RAB11FIP3: variants seen among roughly 807,000 people sequenced by gnomAD.
RAB11FIP3 encodes the protein rab11 family-interacting protein 3.
RAB11FIP3 carries 17 observed loss-of-function variants against 77.8 expected under a neutral mutation model. The observed-to-expected ratio is 0.22, with a 90% CI of 0.15 to 0.33. The LOEUF (loss-of-function observed/expected upper bound fraction) is 0.33, where lower values mean the gene tolerates loss of function less well. Ranked by LOEUF, RAB11FIP3 falls within the 10% of genes least tolerant of loss-of-function variation. The pLI, the probability that RAB11FIP3 is intolerant of heterozygous loss-of-function variation, is 1.00. For synonymous variants in RAB11FIP3, 437 were observed against 448.2 expected, an observed-to-expected ratio of 0.98 and a Z score of 0.31; for missense variants, 1,005 against 1,011.2, an observed-to-expected ratio of 0.99 and a Z score of 0.08.
rs1292565229 is a variant in RAB11FIP3, at chr16:457,260, G to C, written c.715-4144G>C. On this transcript the variant is annotated intron_variant, in intron 1 of 13. Transcript: ENST00000262305. ...ACTTGTTCTGCTTTCCTTTCTTTCA[G>C]ATTAGTGGATCATGTTTCTACATCC... Among the ~76,000 whole-genome samples, 3 of 152,118 alleles carry C rather than the reference G, an allele frequency of 2.0e-5. No individual in the cohort carries two copies. The East Asian group carries it at 5.8e-4, about 29-fold the overall frequency.
Position 426,826 on chromosome 16 carries a change from T to G in RAB11FIP3, c.714+106T>G, listed in dbSNP as rs974197904. On this transcript the variant is annotated intron_variant, in intron 1 of 13. Coordinates refer to ENST00000262305, the MANE Select transcript of RAB11FIP3 (RefSeq NM_014700.4). The surrounding 1 kb of genome is among the most constrained non-coding windows in gnomAD (Gnocchi z 5.0). ...CTGCCCCTGGAGTCGGGAAAGGCAC[T>G]GTCAAGACCTGACGGTCCTGCTTTT... 2 of 860,256 alleles carry G rather than the reference T, an allele frequency of 2.3e-6. No homozygotes were observed. The highest frequency in any genetic ancestry group is 3.0e-5 in the East Asian group (1 of 33,644). The allele number at this position is 860,256 out of a possible 1,614,324, so 53.3% of individuals were successfully genotyped here.
chr16:473,746 G>A (rs1315213845), intron 3 of RAB11FIP3, among the ~76,000 whole-genome samples: 1 of 152,052 alleles, frequency 6.6e-6, no homozygotes, highest in Non-Finnish European at 1.5e-5. Context: ...AGCCTGATAT[G>A]TTAGTATTAG....
At chr16:517,010 A>C (rs2032446154) in intron 9 of RAB11FIP3, among the ~76,000 whole-genome samples, 1 of 152,164 alleles carries the variant, frequency 6.6e-6, no homozygotes, top group Non-Finnish European at 1.5e-5. Flanking sequence ...GACCTGTCAG[A>C]GTGCACACCT....
chr16:491,230 G>A lies in RAB11FIP3; in HGVS notation c.1265+2230G>A, dbSNP rs1428346150. On this transcript the variant is annotated intron_variant, in intron 5 of 13. Transcript: ENST00000262305. ...GCCACAAACAAATCAACCGCCTTGA[G>A]GATCTTTCTGCCCGCCTGAGTGATC... 3 of 1,304,846 alleles carry A rather than the reference G, an allele frequency of 2.3e-6. No individual in the cohort carries two copies. The South Asian group carries it at 3.7e-5, about 16-fold the overall frequency. 80.8% of individuals were successfully genotyped at this position (1,304,846 alleles called of 1,614,324 possible).
At chr16:439,573 G>A (rs1287624794) in intron 1 of RAB11FIP3, among the ~76,000 whole-genome samples, 1 of 152,190 alleles carries the variant, frequency 6.6e-6, no homozygotes, top group Non-Finnish European at 1.5e-5. Context: ...CACAAAATCT[G>A]AGACAGATCT....
At chr16:430,792 G>T (rs920886712) in intron 1 of RAB11FIP3, among the ~76,000 whole-genome samples, 1 of 152,240 alleles carries the variant, frequency 6.6e-6, no homozygotes, top group African/African-American at 2.4e-5. Context: ...GAGGCGGGCA[G>T]ATCATGAGGT....
In RAB11FIP3 at chr16:506,173, G is replaced by C. The variant is rs2031866699; in HGVS notation, c.1499+546G>C. On this transcript the variant is annotated intron_variant, in intron 8 of 13. Coordinates refer to ENST00000262305, the MANE Select transcript of RAB11FIP3 (RefSeq NM_014700.4). The surrounding 1 kb of genome is among the most constrained non-coding windows in gnomAD (Gnocchi z 4.5). ...TGTTTGCAGAGAAAGAGTGGGAGCT[G>C]CTTGCCTCACTCTGGTTTGCAGACT... 6.6e-6 allele frequency among the ~76,000 whole-genome samples: 1 copy of C among 152,186 alleles called. No homozygotes were observed. The highest frequency in any genetic ancestry group is 2.1e-4 in the South Asian group (1 of 4,828).
chr16:471,679 C>T lies in RAB11FIP3; in HGVS notation c.903+290C>T, dbSNP rs2055811873. On this transcript the variant is annotated intron_variant, in intron 3 of 13. Coordinates refer to ENST00000262305, the MANE Select transcript of RAB11FIP3 (RefSeq NM_014700.4). The surrounding 1 kb of genome is among the most constrained non-coding windows in gnomAD (Gnocchi z 4.4). ...CCACCCGCTGCCAGGCTGGCAGGCA[C>T]AGGCGGAGCAGAGGGCTTGGGAGGA... is the stretch of plus-strand genomic sequence containing the variant. 6.6e-6 allele frequency among the ~76,000 whole-genome samples: 1 copy of T among 152,168 alleles called. No homozygotes were observed.
At chr16:492,475 C>CGTCCAGA (rs2030586655) in intron 5 of RAB11FIP3, among the ~76,000 whole-genome samples, 1 of 115,510 alleles carries the variant, frequency 8.7e-6, no homozygotes, top group Non-Finnish European at 2.0e-5. Flanking sequence ...GACCCGAGGC[C>CGTCCAGA]GCCCAGGGCC....
At chr16:497,517 C>T (rs1219088415) in intron 6 of RAB11FIP3, 2 of 1,166,550 alleles carry the variant, frequency 1.7e-6, no homozygotes, top group African/African-American at 1.6e-5. Flanking sequence ...CGGCATCTGG[C>T]AGGGCTGGGA....
At position 472,513 on chromosome 16, in the gene RAB11FIP3, C is replaced by A. The variant is rs894494085; in HGVS notation, c.903+1124C>A. ...CAGAACGTGCTGGGAGACCCCAGGACTACAGACGGTGGCTCCTGTGCCCTG... is the reference window on the plus strand; with the variant it reads ...CAGAACGTGCTGGGAGACCCCAGGAATACAGACGGTGGCTCCTGTGCCCTG... On this transcript the variant is annotated intron_variant, in intron 3 of 13. Coordinates refer to ENST00000262305, the MANE Select transcript of RAB11FIP3 (RefSeq NM_014700.4). The surrounding 1 kb of genome is among the most constrained non-coding windows in gnomAD (Gnocchi z 4.1). Among the ~76,000 whole-genome samples, 1 of 152,196 alleles carries A rather than the reference C, an allele frequency of 6.6e-6. No individual in the cohort carries two copies. The highest frequency in any genetic ancestry group is 1.5e-5 in the Non-Finnish European group (1 of 68,042).
chr16:489,381 C>G (rs1259515317), intron 5 of RAB11FIP3, among the ~76,000 whole-genome samples: 1 of 152,240 alleles, frequency 6.6e-6, no homozygotes, highest in Non-Finnish European at 1.5e-5. Flanking sequence ...TTATAAATAT[C>G]TGACATCCCC....
In RAB11FIP3 at chr16:494,013, C is replaced by T. The variant is rs548892479; in HGVS notation, c.1266-2811C>T. 6.0e-5 allele frequency among the ~76,000 whole-genome samples: 8 copies of T among 132,624 alleles called. No homozygotes were observed. The East Asian group carries it at 9.5e-4, about 16-fold the overall frequency. 87.0% of individuals were successfully genotyped at this position (132,624 alleles called of 152,430 possible). On this transcript the variant is annotated intron_variant, in intron 5 of 13. Coordinates refer to ENST00000262305, the MANE Select transcript of RAB11FIP3 (RefSeq NM_014700.4). ...CTGCCTCCCGGGTTCACTCCATTCT[C>T]CTGCCTCAGCCTCCCGAGTAGCTGG...
At chr16:430,822 G>A (rs954158647) in intron 1 of RAB11FIP3, among the ~76,000 whole-genome samples, 5 of 152,182 alleles carry the variant, frequency 3.3e-5, no homozygotes, top group Admixed American at 6.5e-5. Flanking sequence ...GTGAAACCCC[G>A]TCTCTACTAA....
At chr16:438,167 GTGT>G (rs1486347714) in intron 1 of RAB11FIP3, among the ~76,000 whole-genome samples, 4 of 151,816 alleles carry the variant, frequency 2.6e-5, no homozygotes, top group East Asian at 3.9e-4. Flanking sequence ...GAGTGTAGTG[GTGT>G]GATATCCACT....
At chr16:449,989 C>A (rs2055380379) in intron 1 of RAB11FIP3, among the ~76,000 whole-genome samples, 1 of 152,098 alleles carries the variant, frequency 6.6e-6, no homozygotes, top group African/African-American at 2.4e-5. Context: ...TTAACCTCGT[C>A]ACAGTGACTG....
In RAB11FIP3 at chr16:459,181, C is replaced by T. The variant is rs556594432; in HGVS notation, c.715-2223C>T. On this transcript the variant is annotated intron_variant, in intron 1 of 13. Transcript: ENST00000262305. ...CGCTGTTTTTGCCCAGGCTGGAGTG[C>T]AGTGGCACGATCTCAGCTCACTACA... is the stretch of plus-strand genomic sequence containing the variant. Among the ~76,000 whole-genome samples the T allele has an allele frequency of 2.0e-5, 3 of 147,068 alleles. No homozygotes were observed. In the South Asian group the frequency reaches 6.4e-4, roughly 31 times the overall value.
intron 1 of RAB11FIP3, among the ~76,000 whole-genome samples, chr16:454,840 A>G (rs909445006): frequency 3.3e-5 from 5 of 152,164 alleles, no homozygotes; most frequent in African/African-American, 1.2e-4. Context: ...ACCTGAGGTC[A>G]GGAGTTCCAG....
At chr16:520,060 G>A in intron 11 of RAB11FIP3, 62 bp from the exon 12 acceptor site, 1 of 1,537,776 alleles carries the variant, frequency 6.5e-7, no homozygotes, top group African/African-American at 1.4e-5. Context: ...ACAGCCAAGT[G>A]ATGGCTGACG....
Sources: allele counts gnomAD v4.1 joint callset (sites outside exome capture counted in the v4.1 genomes callset), GRCh38; gene constraint gnomAD v4.1.1; non-coding constraint Gnocchi (gnomAD v3.1); transcripts MANE v1.5; gene names NCBI Gene and HGNC (gene_info 2026-07-23, HGNC 2026-07-21).